The following GPT2 variants were observed in gnomAD, a reference collection of about 807,000 sequenced individuals.
GPT2 encodes the protein glutamic--pyruvic transaminase 2.
In GPT2, 30 loss-of-function variants were observed where a neutral mutation model predicts 56.9. That is an observed-to-expected ratio of 0.53 (90% CI 0.39 to 0.72). GPT2 has a LOEUF of 0.72. Ranked by LOEUF, GPT2 falls within the 30% of genes least tolerant of loss-of-function variation. The pLI, the probability that GPT2 is intolerant of heterozygous loss-of-function variation, is 0.00. For missense variants in GPT2, 542 were observed against 703.4 expected (o/e 0.77, Z 2.60); for synonymous variants, 271 against 283.1 (o/e 0.96, Z 0.43).
intron 6 of GPT2, among the ~76,000 whole-genome samples, chr16:46,911,830 A>G (rs1444567975): frequency 1.3e-5 from 2 of 152,218 alleles, no homozygotes; most frequent in Non-Finnish European, 2.9e-5. Context: ...CACTGTACCT[A>G]GTCCACATCA....
intron 4 of GPT2, among the ~76,000 whole-genome samples, chr16:46,903,739 A>G (rs1960865275): frequency 6.6e-6 from 1 of 152,200 alleles, no homozygotes; most frequent in Non-Finnish European, 1.5e-5. Flanking sequence ...CCCCTCCCTG[A>G]GTACATACCA....
intron 2 of GPT2, chr16:46,885,309 C>A: frequency 1.1e-6 from 1 of 937,048 alleles, no homozygotes; most frequent in Non-Finnish European, 1.3e-6. Context: ...AATAGAGTCT[C>A]AGTGATAAGT....
intron 7 of GPT2, 108 bp from the exon 8 acceptor site, chr16:46,918,513 G>A (rs1462969269): frequency 1.6e-5 from 20 of 1,286,210 alleles, no homozygotes; most frequent in South Asian, 8.2e-5. Context: ...AGGCTGGGCC[G>A]GCTGGGCCTC....
chr16:46,916,405 A>T (rs1961164241), intron 6 of GPT2: 1 of 503,508 alleles, frequency 2.0e-6, no homozygotes, highest in Non-Finnish European at 3.6e-6. Flanking sequence ...CCCTCGCATA[A>T]CTGGCTGAGG....
intron 8 of GPT2, among the ~76,000 whole-genome samples, chr16:46,919,224 A>G (rs2143531680): frequency 6.6e-6 from 1 of 152,304 alleles, no homozygotes; most frequent in South Asian, 2.1e-4. Flanking sequence ...AGCACTTACG[A>G]TGAGTCCGGC....
intron 11 of GPT2, among the ~76,000 whole-genome samples, chr16:46,927,318 T>A (rs1311333398): frequency 6.6e-6 from 1 of 152,224 alleles, no homozygotes; most frequent in African/African-American, 2.4e-5. Context: ...GTCTGAAATG[T>A]TCCTAGTAGG....
At chr16:46,892,357 A>G (rs1960602126) in intron 2 of GPT2, among the ~76,000 whole-genome samples, 1 of 152,216 alleles carries the variant, frequency 6.6e-6, no homozygotes, top group Admixed American at 6.5e-5. Flanking sequence ...GGTTGGTTCC[A>G]TATCTTGGCT....
chr16:46,896,882 A>C (rs1244151479), intron 2 of GPT2, among the ~76,000 whole-genome samples: 1 of 152,182 alleles, frequency 6.6e-6, no homozygotes, highest in Non-Finnish European at 1.5e-5. Context: ...CTGTACTTAT[A>C]TTCATTCCCA....
chr16:46,915,062 C>T (rs916428848), intron 6 of GPT2, among the ~76,000 whole-genome samples: 1 of 152,090 alleles, frequency 6.6e-6, no homozygotes, highest in African/African-American at 2.4e-5. Flanking sequence ...GGACTACAGC[C>T]ATAAGCCACC....
chr16:46,924,529 T>C lies in GPT2; in HGVS notation c.1353T>C (p.Ala451=). Residue 451 remains alanine, a synonymous_variant, in exon 10 of 12, where the codon GCT becomes GCC. Transcript: ENST00000340124. ...CTCGGATCTTCATTCCTGCCAAAGC[T>C]GTGGAGGCTGCTCAGGTCTGGGGCA... ...AFPRIFIPAK[A]VEAAQAHQMA... 6.2e-7 allele frequency: 1 copy of C among 1,614,162 alleles called. No homozygotes were observed. Among genetic ancestry groups the C allele is most frequent in the Non-Finnish European group, 8.5e-7 (1 of 1,179,998 alleles).
At chr16:46,898,579 T>C (rs1348377157) in intron 3 of GPT2, among the ~76,000 whole-genome samples, 1 of 152,132 alleles carries the variant, frequency 6.6e-6, no homozygotes, top group African/African-American at 2.4e-5. Context: ...AGGTTTGTTT[T>C]TGTTTTGTTG....
At position 46,923,191 on chromosome 16, in the gene GPT2, G is replaced by A. The variant is rs547433140; in HGVS notation, c.1212+775G>A. ...AATGGAGTCATGTTGGCCGGGCGTA[G>A]CGGCTCATGCCTGTAATCCAAGCAC... On this transcript the variant is annotated intron_variant, in intron 9 of 11. Coordinates refer to ENST00000340124, the MANE Select transcript of GPT2 (RefSeq NM_133443.4). Among the ~76,000 whole-genome samples, 3 of 152,310 alleles carry A rather than the reference G, an allele frequency of 2.0e-5. No homozygotes were observed. The South Asian group carries it at 6.2e-4, about 32-fold the overall frequency.
chr16:46,918,709 A>G lies in GPT2; in HGVS notation c.989A>G (p.Asn330Ser), dbSNP rs753161605. 2.5e-6 allele frequency: 4 copies of G among 1,614,178 alleles called. No individual in the cohort carries two copies. The highest frequency in any genetic ancestry group is 1.1e-5 in the South Asian group (1 of 91,082). Reference protein sequence around the residue: ...LYEMGPEYSSNVELASFHSTS... With the variant: ...LYEMGPEYSSSVELASFHSTS... Reference sequence around the variant, plus strand: ...GAGATGGGGCCCGAGTACTCCAGCAACGTGGAGCTCGCCTCCTTCCACTCC... The same window carrying G: ...GAGATGGGGCCCGAGTACTCCAGCAGCGTGGAGCTCGCCTCCTTCCACTCC... The change falls in exon 8 of 12, where the codon AAC becomes AGC. Residue 330 changes from asparagine to serine, a missense_variant. Transcript: ENST00000340124.
intron 6 of GPT2, 124 bp from the exon 7 acceptor site, chr16:46,916,504 G>T: frequency 1.3e-6 from 1 of 753,330 alleles, no homozygotes; most frequent in Non-Finnish European, 2.4e-6. Context: ...GGCCTCTGCG[G>T]GGAGGGTGTT....
intron 9 of GPT2, 36 bp downstream of exon 9, chr16:46,922,452 C>A: frequency 1.3e-6 from 2 of 1,558,310 alleles, no homozygotes; most frequent in South Asian, 1.2e-5. Context: ...CCCCTGTGGC[C>A]GGGGTCACGA....
rs181588298 is a variant in GPT2 at position 46,893,200 on chromosome 16, G to C, written c.244-4448G>C. Among the ~76,000 whole-genome samples the C allele has an allele frequency of 3.4e-3, 524 of 152,184 alleles. 35 individuals carry two copies. In the South Asian group the frequency reaches 0.1, roughly 29 times the overall value. On this transcript the variant is annotated intron_variant, in intron 2 of 11. Coordinates refer to ENST00000340124, the MANE Select transcript of GPT2 (RefSeq NM_133443.4). ...GGCTGGAGTGCAGTGGCGCAATCTC[G>C]GCTCACTGCAGGCTCCGCCTCCCGG...
At chr16:46,910,266 A>G (rs1961021299) in intron 6 of GPT2, among the ~76,000 whole-genome samples, 1 of 150,694 alleles carries the variant, frequency 6.6e-6, no homozygotes, top group Admixed American at 6.6e-5. Context: ...CTGTAGTCCC[A>G]GCTGCTCAGG....
At chr16:46,898,675 G>C (rs1365229875) in intron 3 of GPT2, among the ~76,000 whole-genome samples, 2 of 151,838 alleles carry the variant, frequency 1.3e-5, no homozygotes, top group Non-Finnish European at 2.9e-5. Flanking sequence ...TCAGCCTCCT[G>C]AGTAGCTGGG....
chr16:46,924,633 G>A (rs1205674421), intron 10 of GPT2, 89 bp downstream of exon 10: 1 of 1,407,830 alleles, frequency 7.1e-7, no homozygotes, highest in Non-Finnish European at 9.9e-7. Flanking sequence ...GGGAGCAGAA[G>A]TGCTGGCCCT....
Sources: gnomAD v4.1 joint callset for allele counts (sites outside exome capture counted in the v4.1 genomes callset) on GRCh38, gnomAD v4.1.1 for gene constraint, MANE v1.5 for transcripts, NCBI Gene and HGNC (gene_info 2026-07-23, HGNC 2026-07-21) for gene names.